The following FBXO4 variants were observed in gnomAD, a reference collection of about 807,000 sequenced individuals.
FBXO4 encodes F-box only protein 4.
FBXO4 carries 36 observed loss-of-function variants against 43.7 expected under a neutral mutation model. That is an observed-to-expected ratio of 0.82 (90% CI 0.63 to 1.09). FBXO4 has a LOEUF of 1.09. FBXO4 is among the 50% of genes least tolerant of loss of function. The pLI, the probability that FBXO4 is intolerant of heterozygous loss-of-function variation, is 0.00. For missense variants in FBXO4, 435 were observed against 474.1 expected, an observed-to-expected ratio of 0.92 and a Z score of 0.77; for synonymous variants, 180 against 165.6, an observed-to-expected ratio of 1.09 and a Z score of -0.67.
the FBXO4 span, among the ~76,000 whole-genome samples, chr5:41,949,743 G>GCT: frequency 1.3e-5 from 2 of 152,278 alleles, no homozygotes; most frequent in African/African-American, 4.8e-5. Flanking sequence ...TCAAAAAAGA[G>GCT]CTCACATAGC....
At chr5:42,034,522 T>C in the FBXO4 span, among the ~76,000 whole-genome samples, 2 of 152,212 alleles carry the variant, frequency 1.3e-5, no homozygotes, top group African/African-American at 4.8e-5. Context: ...CTTTTATCCA[T>C]CTTGAGTTCA....
intron 6 of FBXO4, among the ~76,000 whole-genome samples, chr5:41,939,836 T>A (rs1231671400): frequency 4.3e-5 from 4 of 93,572 alleles, no homozygotes; most frequent in East Asian, 2.2e-4. Context: ...AATTGGGGAT[T>A]TTTTTTTTTT....
chr5:41,999,536 C>CAT, the FBXO4 span, among the ~76,000 whole-genome samples: 906 of 79,786 alleles, frequency 0.011, 33 homozygotes, highest in Admixed American at 0.077. Flanking sequence ...TATATATATA[C>CAT]ATATATATGT....
At chr5:42,020,059 C>G in the FBXO4 span, among the ~76,000 whole-genome samples, 1 of 151,986 alleles carries the variant, frequency 6.6e-6, no homozygotes, top group Non-Finnish European at 1.5e-5. Flanking sequence ...TATTCTAAAT[C>G]CTGCCAAAAT....
At chr5:41,965,088 A>G in the FBXO4 span, among the ~76,000 whole-genome samples, 1 of 152,212 alleles carries the variant, frequency 6.6e-6, no homozygotes, top group Non-Finnish European at 1.5e-5. Flanking sequence ...ATCCAGTTTC[A>G]GCTTTCTACA....
chr5:42,036,351 C>T, the FBXO4 span, among the ~76,000 whole-genome samples: 2 of 151,914 alleles, frequency 1.3e-5, no homozygotes, highest in South Asian at 4.1e-4. Flanking sequence ...AAAAAAATGG[C>T]TTACATAGGT....
At chr5:41,934,500 A>G in intron 5 of FBXO4, 192 bp downstream of exon 5, 1 of 1,408,156 alleles carries the variant, frequency 7.1e-7, no homozygotes, top group Non-Finnish European at 9.3e-7. Flanking sequence ...AGCTTGTTAA[A>G]CATGTTAACA....
chr5:42,020,105 T>C, the FBXO4 span, among the ~76,000 whole-genome samples: 1 of 152,142 alleles, frequency 6.6e-6, no homozygotes, highest in Non-Finnish European at 1.5e-5. Flanking sequence ...GGGAAGAGAA[T>C]GCACAATTGT....
At chr5:42,012,346 G>A in the FBXO4 span, among the ~76,000 whole-genome samples, 1 of 152,112 alleles carries the variant, frequency 6.6e-6, no homozygotes. Context: ...GTGTGTCTGT[G>A]TGTGTGTACA....
the FBXO4 span, among the ~76,000 whole-genome samples, chr5:42,038,130 T>C: frequency 1.3e-5 from 2 of 152,102 alleles, no homozygotes; most frequent in African/African-American, 4.8e-5. Flanking sequence ...CCTTACATTC[T>C]CAGGTAGAGC....
chr5:41,989,681 C>T, the FBXO4 span, among the ~76,000 whole-genome samples: 6 of 152,234 alleles, frequency 3.9e-5, no homozygotes, highest in East Asian at 9.6e-4. Flanking sequence ...TCGAATTGCT[C>T]AAGTCAAAGA....
the FBXO4 span, among the ~76,000 whole-genome samples, chr5:41,972,503 A>G: frequency 1.3e-5 from 2 of 152,224 alleles, no homozygotes; most frequent in African/African-American, 4.8e-5. Context: ...GTCCAAAGCA[A>G]TGTACAAGTT....
the FBXO4 span, among the ~76,000 whole-genome samples, chr5:42,014,036 A>T: frequency 6.6e-6 from 1 of 152,184 alleles, no homozygotes; most frequent in African/African-American, 2.4e-5. Context: ...AGAAAGGCGG[A>T]AATATCAAGA....
the FBXO4 span, among the ~76,000 whole-genome samples, chr5:41,950,459 A>C: frequency 6.6e-6 from 1 of 152,248 alleles, no homozygotes; most frequent in Non-Finnish European, 1.5e-5. Flanking sequence ...CAAACATGGA[A>C]AAAAGCTCAT....
the FBXO4 span, among the ~76,000 whole-genome samples, chr5:41,972,526 T>A: frequency 6.6e-6 from 1 of 152,158 alleles, no homozygotes; most frequent in Non-Finnish European, 1.5e-5. Flanking sequence ...ATGTTATTCT[T>A]ATCAAACCAC....
chr5:41,999,929 A>G, the FBXO4 span, among the ~76,000 whole-genome samples: 8 of 151,952 alleles, frequency 5.3e-5, no homozygotes, highest in Admixed American at 2.0e-4. Flanking sequence ...CAAGCCAATC[A>G]AGTTGGCACT....
the FBXO4 span, among the ~76,000 whole-genome samples, chr5:42,006,525 A>C: frequency 6.6e-6 from 1 of 152,076 alleles, no homozygotes; most frequent in Non-Finnish European, 1.5e-5. Flanking sequence ...ATATAGCAAT[A>C]AGTAAATTTC....
At chr5:41,997,225 C>A in the FBXO4 span, among the ~76,000 whole-genome samples, 51 of 152,312 alleles carry the variant, frequency 3.3e-4, no homozygotes, top group African/African-American at 1.2e-3. Flanking sequence ...ACAGCAGCTG[C>A]AATTGGAGTC....
At chr5:42,006,523 A>G in the FBXO4 span, among the ~76,000 whole-genome samples, 3 of 152,090 alleles carry the variant, frequency 2.0e-5, no homozygotes, top group Admixed American at 6.6e-5. Context: ...GTATATAGCA[A>G]TAAGTAAATT....
Sources: allele counts gnomAD v4.1 joint callset (sites outside exome capture counted in the v4.1 genomes callset), GRCh38; gene constraint gnomAD v4.1.1; transcripts MANE v1.5; gene names NCBI Gene and HGNC (gene_info 2026-07-23, HGNC 2026-07-21).